TOP1MT: variants seen among roughly 807,000 people sequenced by gnomAD.
TOP1MT encodes DNA topoisomerase I, mitochondrial.
In TOP1MT, 80 loss-of-function variants were observed where a neutral mutation model predicts 73.9. The ratio of observed to expected loss-of-function variants is 1.08; its 90% CI spans 0.90 to 1.30. The LOEUF is 1.30. Ranked by LOEUF, TOP1MT falls within the 50% of genes most tolerant of loss-of-function variation. TOP1MT has a pLI of 0.00. For synonymous variants in TOP1MT, 338 were observed against 326.4 expected, an observed-to-expected ratio of 1.04 and a Z score of -0.38; for missense variants, 815 against 808.0, an observed-to-expected ratio of 1.01 and a Z score of -0.10.
At chr8:143,311,117 A>ATTTTT (rs769172231) in intron 12 of TOP1MT, among the ~76,000 whole-genome samples, 18 of 106,812 alleles carry the variant, frequency 1.7e-4, no homozygotes, top group East Asian at 2.7e-4. Flanking sequence ...CACGCACATG[A>ATTTTT]TTTTTTTTTT....
intron 10 of TOP1MT, among the ~76,000 whole-genome samples, chr8:143,317,044 C>T (rs906254103): frequency 2.0e-5 from 3 of 152,242 alleles, no homozygotes; most frequent in Non-Finnish European, 2.9e-5. Context: ...CACGGGTGCA[C>T]GCGAAACACA....
At position 143,329,362 on chromosome 8, in the gene TOP1MT, A is replaced by G; in HGVS notation, c.348T>C (p.Asn116=). The part of the protein sequence containing the change: ...TKEVFRKNFF[N]DWRKEMAVEE... ...CCAGGGTACCTACCTTTCGCCAGTC[A>G]TTGAAGAAGTTCTTCCGGAAAACCT... Residue 116 remains asparagine, a synonymous_variant, in exon 3 of 14, where the codon AAT becomes AAC. Coordinates refer to ENST00000329245, the MANE Select transcript of TOP1MT (RefSeq NM_052963.3). 1.9e-6 allele frequency: 3 copies of G among 1,607,702 alleles called. No homozygotes were observed. Among genetic ancestry groups the G allele is most frequent in the Non-Finnish European group, 2.5e-6 (3 of 1,178,284 alleles).
In TOP1MT at chr8:143,343,514, G is replaced by A. The variant is rs370605730; in HGVS notation, c.-38-228C>T. The A allele has an allele frequency of 1.4e-4, 46 of 327,704 alleles. 1 individual carries two copies. Among genetic ancestry groups the A allele is most frequent in the South Asian group, 6.5e-4 (26 of 40,200 alleles). The allele number at this position is 327,704 out of a possible 1,614,324, so 20.3% of individuals were successfully genotyped here. ...CAGCTGGCGGTGGGAAGTCCCGCCC[G>A]AGGCCAGAAGCTGCGAACACATCTC... On this transcript the variant is annotated intron_variant, in intron 1 of 5. Transcript: ENST00000518007.
At chr8:143,322,937 G>GGCACGCCACACACGCCACACAC (rs1816543121) in intron 7 of TOP1MT, among the ~76,000 whole-genome samples, 3 of 27,610 alleles carry the variant, frequency 1.1e-4, no homozygotes, top group African/African-American at 4.2e-4. Context: ...GCCACACACA[G>GGCACGCCACACACGCCACACAC]GCACGCCACA....
chr8:143,333,455 T>C (rs896549212), intron 1 of TOP1MT, among the ~76,000 whole-genome samples: 1 of 152,008 alleles, frequency 6.6e-6, no homozygotes, highest in Admixed American at 6.6e-5. Context: ...TCTCAAATAA[T>C]AATAATAAAA....
At chr8:143,311,876 T>C (rs1437909759) in intron 12 of TOP1MT, among the ~76,000 whole-genome samples, 3 of 152,152 alleles carry the variant, frequency 2.0e-5, no homozygotes, top group Non-Finnish European at 4.4e-5. Context: ...TTAGACACCC[T>C]AGACTAAACA....
At chr8:143,340,253 A>C (rs4874174) in intron 2 of TOP1MT, among the ~76,000 whole-genome samples, 45 of 3,152 alleles carry the variant, frequency 0.014, no homozygotes, top group Admixed American at 0.035. Context: ...CAGCATTCCC[A>C]CACTCCCAGC....
intron 1 of TOP1MT, among the ~76,000 whole-genome samples, chr8:143,353,533 A>C (rs1157449800): frequency 6.6e-6 from 1 of 152,234 alleles, no homozygotes; most frequent in African/African-American, 2.4e-5. Context: ...GGGAAATGCA[A>C]ATCAAATCTA....
At chr8:143,314,997 G>A (rs949780912) in intron 12 of TOP1MT, among the ~76,000 whole-genome samples, 6 of 152,166 alleles carry the variant, frequency 3.9e-5, no homozygotes, top group African/African-American at 9.7e-5. Context: ...TTGGTCTAGC[G>A]GTAACGCCAG....
upstream of TOP1MT, among the ~76,000 whole-genome samples, chr8:143,339,827 A>G (rs1817043496): frequency 6.7e-6 from 1 of 150,296 alleles, no homozygotes; most frequent in African/African-American, 2.5e-5. Context: ...GCACTGGTCT[A>G]CACAGCATTC....
intron 12 of TOP1MT, among the ~76,000 whole-genome samples, chr8:143,313,257 G>A (rs1254347597): frequency 6.6e-6 from 1 of 152,170 alleles, no homozygotes; most frequent in Admixed American, 6.5e-5. Flanking sequence ...CAACAAGAAA[G>A]AAGAAAGATG....
Position 143,318,464 on chromosome 8 carries a change from G to A in TOP1MT, c.1147-378C>T, listed in dbSNP as rs533565612. Among the ~76,000 whole-genome samples the A allele has an allele frequency of 1.1e-4, 17 of 152,278 alleles. No homozygotes were observed. In the South Asian group the frequency reaches 2.3e-3, roughly 20 times the overall value. On this transcript the variant is annotated intron_variant, in intron 8 of 13. Coordinates refer to ENST00000329245, the MANE Select transcript of TOP1MT (RefSeq NM_052963.3). ...GACATCACAGGACCTCAGGGCCTTCGGGGTTCCTGTGTCCAACCTCCCTCC... is the reference window on the plus strand; with the variant it reads ...GACATCACAGGACCTCAGGGCCTTCAGGGTTCCTGTGTCCAACCTCCCTCC...
At chr8:143,321,905 CACACAG>C (rs1816415906) in intron 7 of TOP1MT, among the ~76,000 whole-genome samples, 1 of 116,794 alleles carries the variant, frequency 8.6e-6, no homozygotes, top group African/African-American at 3.3e-5. Context: ...GCACGCCACA[CACACAG>C]GCACGCCACA....
intron 7 of TOP1MT, among the ~76,000 whole-genome samples, chr8:143,322,890 G>A (rs1305040059): frequency 6.3e-5 from 4 of 63,748 alleles, no homozygotes; most frequent in Non-Finnish European, 1.1e-4. Context: ...ACACACGCAC[G>A]CCACACGCAC....
At position 143,329,415 on chromosome 8, in the gene TOP1MT, T is replaced by G; in HGVS notation, c.295A>C (p.Met99Leu). 2.5e-6 allele frequency: 4 copies of G among 1,610,424 alleles called. No individual in the cohort carries two copies. The highest frequency in any genetic ancestry group is 3.4e-6 in the Non-Finnish European group (4 of 1,179,088). ...AEEVATFYGR[M>L]LDHEYTTKEV... ...TTTGTTGTGTATTCATGATCTAACA[T>G]CCTCCCATAAAAAGTGGCGACCTCC... Residue 99 changes from methionine (M) to leucine (L), a missense_variant, in exon 3 of 14, where the codon ATG becomes CTG. Around this residue, in one of 3 missense-constraint regions of TOP1MT, gnomAD observed 751 missense variants for 725.4 expected, o/e 1.04. Transcript: ENST00000329245.
chr8:143,336,734 G>A (rs1005854749), upstream of TOP1MT, among the ~76,000 whole-genome samples: 1 of 152,182 alleles, frequency 6.6e-6, no homozygotes, highest in Admixed American at 6.5e-5. Context: ...TGTAATCCAA[G>A]CACTTTGGGA....
chr8:143,346,582 A>G (rs1205259906), upstream of TOP1MT, among the ~76,000 whole-genome samples: 1 of 152,194 alleles, frequency 6.6e-6, no homozygotes, highest in Non-Finnish European at 1.5e-5. Flanking sequence ...GGGAACTGGA[A>G]GCCAGCCTGG....
upstream of TOP1MT, among the ~76,000 whole-genome samples, chr8:143,358,243 C>T (rs1817445066): frequency 6.6e-6 from 1 of 152,216 alleles, no homozygotes; most frequent in Non-Finnish European, 1.5e-5. Flanking sequence ...AGTACTCTCT[C>T]TCTTCCTTTA....
At chr8:143,322,775 A>G (rs1243794061) in intron 7 of TOP1MT, among the ~76,000 whole-genome samples, 8 of 38,618 alleles carry the variant, frequency 2.1e-4, no homozygotes, top group Middle Eastern at 0.015. Context: ...CACGCCACAC[A>G]CAGGCACGCC....
Sources: gnomAD v4.1 joint callset for allele counts (sites outside exome capture counted in the v4.1 genomes callset) on GRCh38, gnomAD v4.1.1 for gene constraint, gnomAD v4.1.1 regional missense constraint, MANE v1.5 for transcripts, NCBI Gene and HGNC (gene_info 2026-07-23, HGNC 2026-07-21) for gene names.